The following MRTFA variants were observed in gnomAD, a reference collection of about 807,000 sequenced individuals.
MRTFA encodes the protein myocardin-related transcription factor A.
A neutral mutation model predicts 83.5 loss-of-function variants in MRTFA; 20 were observed. The ratio of observed to expected loss-of-function variants is 0.24; its 90% CI spans 0.17 to 0.35. The LOEUF is 0.35. Ranked by LOEUF, MRTFA falls within the 10% of genes least tolerant of loss-of-function variation. The pLI is 1.00. For missense variants in MRTFA, 1,200 were observed against 1,224.7 expected (o/e 0.98, Z 0.30); for synonymous variants, 659 against 541.2 (o/e 1.22, Z -3.02).
chr22:40,432,760 G>T (rs946430235), intron 5 of MRTFA, among the ~76,000 whole-genome samples: 3 of 152,072 alleles, frequency 2.0e-5, no homozygotes, highest in African/African-American at 7.2e-5. Context: ...CTCTGTGCCA[G>T]CCCAGGGGAG....
At chr22:40,564,813 G>A (rs902206388) in intron 2 of MRTFA, among the ~76,000 whole-genome samples, 3 of 151,960 alleles carry the variant, frequency 2.0e-5, no homozygotes, top group Admixed American at 6.6e-5. Flanking sequence ...CGCCATTCCC[G>A]GCTCATTTTT....
intron 3 of MRTFA, among the ~76,000 whole-genome samples, chr22:40,493,111 C>G (rs2054296680): frequency 6.6e-6 from 1 of 152,196 alleles, no homozygotes; most frequent in African/African-American, 2.4e-5. Flanking sequence ...ACAGTCCCAT[C>G]ATTCACATCA....
intron 3 of MRTFA, among the ~76,000 whole-genome samples, chr22:40,510,439 G>A (rs1239347975): frequency 6.6e-6 from 1 of 151,874 alleles, no homozygotes; most frequent in East Asian, 1.9e-4. Context: ...ATAATTGATT[G>A]AAATAAAACC....
intron 4 of MRTFA, among the ~76,000 whole-genome samples, chr22:40,460,118 T>C (rs2053684504): frequency 6.6e-6 from 1 of 151,462 alleles, no homozygotes; most frequent in Non-Finnish European, 1.5e-5. Context: ...AGAGACGGGG[T>C]TTCACCATGT....
At chr22:40,619,664 C>T (rs112670502) in intron 1 of MRTFA, among the ~76,000 whole-genome samples, 68 of 151,898 alleles carry the variant, frequency 4.5e-4, no homozygotes, top group African/African-American at 1.4e-3. Context: ...CCGAGACGGG[C>T]GGATCACGAG....
intron 2 of MRTFA, among the ~76,000 whole-genome samples, chr22:40,577,195 T>C (rs559171563): frequency 7.6e-4 from 104 of 136,856 alleles, no homozygotes; most frequent in Non-Finnish European, 1.3e-3. Flanking sequence ...TGCACTGCAC[T>C]CATGCACTCC....
At chr22:40,504,132 A>G (rs2054542146) in intron 3 of MRTFA, among the ~76,000 whole-genome samples, 1 of 152,208 alleles carries the variant, frequency 6.6e-6, no homozygotes, top group African/African-American at 2.4e-5. Flanking sequence ...TTTATAATTG[A>G]AAATTAGATA....
chr22:40,444,391 T>C (rs187950581), intron 4 of MRTFA, among the ~76,000 whole-genome samples: 40 of 152,276 alleles, frequency 2.6e-4, no homozygotes, highest in Admixed American at 1.9e-3. Context: ...AAACAGTTCT[T>C]ACATTAATTG....
At chr22:40,425,592 G>T (rs898142711) in intron 7 of MRTFA, among the ~76,000 whole-genome samples, 5 of 152,224 alleles carry the variant, frequency 3.3e-5, no homozygotes, top group African/African-American at 1.2e-4. Context: ...GACTGTGGTG[G>T]TGGCTTGCTC....
intron 3 of MRTFA, chr22:40,523,842 T>G (rs1203930367): frequency 6.6e-6 from 1 of 152,158 alleles, no homozygotes; most frequent in Non-Finnish European, 1.5e-5. Flanking sequence ...GTACTTTACA[T>G]AACCAAATAA....
chr22:40,512,201 T>C (rs1306444807), intron 3 of MRTFA, among the ~76,000 whole-genome samples: 1 of 152,222 alleles, frequency 6.6e-6, no homozygotes, highest in Non-Finnish European at 1.5e-5. Flanking sequence ...ATTAAGATCA[T>C]ACAGTTCTTT....
intron 3 of MRTFA, among the ~76,000 whole-genome samples, chr22:40,475,005 A>G (rs976412929): frequency 1.4e-4 from 21 of 151,744 alleles, no homozygotes; most frequent in African/African-American, 5.1e-4. Context: ...CGCCTGACTA[A>G]TTTTTGTATT....
Position 40,459,477 on chromosome 22 carries a change from T to C in MRTFA, c.307+3744A>G, listed in dbSNP as rs540396815. The stretch of plus-strand genomic sequence containing the variant: ...TATATGGGAAAATGCAATATTCTCA[T>C]AGAAGCAGGTCATTTCTATTCCCAC... On this transcript the variant is annotated intron_variant, in intron 4 of 14. Coordinates refer to ENST00000355630, the MANE Select transcript of MRTFA (RefSeq NM_020831.6). Among the ~76,000 whole-genome samples, 6 of 152,138 alleles carry C rather than the reference T, an allele frequency of 3.9e-5. No individual in the cohort carries two copies. The East Asian group carries it at 5.8e-4, about 15-fold the overall frequency.
chr22:40,627,574 G>C (rs994825521), intron 1 of MRTFA, among the ~76,000 whole-genome samples: 2 of 152,186 alleles, frequency 1.3e-5, no homozygotes, highest in African/African-American at 4.8e-5. Context: ...CACTATAACT[G>C]ACATTTTCGC....
At chr22:40,625,820 A>C (rs1429788800) in intron 1 of MRTFA, among the ~76,000 whole-genome samples, 1 of 152,084 alleles carries the variant, frequency 6.6e-6, no homozygotes, top group African/African-American at 2.4e-5. Flanking sequence ...ATAAGTAAAT[A>C]AAATAGAATA....
chr22:40,549,692 T>G (rs1799865715), intron 3 of MRTFA, among the ~76,000 whole-genome samples: 1 of 152,238 alleles, frequency 6.6e-6, no homozygotes, highest in African/African-American at 2.4e-5. Context: ...GGTTATTTTG[T>G]ATTTATGTTA....
chr22:40,522,862 A>T (rs1389309643), intron 3 of MRTFA: 2 of 152,188 alleles, frequency 1.3e-5, no homozygotes, highest in Non-Finnish European at 2.9e-5. Context: ...CAACATCAAT[A>T]GAACCAACTA....
intron 3 of MRTFA, among the ~76,000 whole-genome samples, chr22:40,501,639 C>T (rs1481261927): frequency 2.9e-4 from 1 of 3,438 alleles, no homozygotes; most frequent in Non-Finnish European, 5.2e-4. Flanking sequence ...GGCAGAGGCG[C>T]CCCTCACCTC....
rs1173817433 is a variant in MRTFA at position 40,419,306 on chromosome 22, G to A, written c.1432C>T (p.Arg478Ter). 4.3e-6 allele frequency: 7 copies of A among 1,613,822 alleles called. No homozygotes were observed. Among genetic ancestry groups the A allele is most frequent in the Non-Finnish European group, 5.1e-6 (6 of 1,180,004 alleles). Residue 478 changes from arginine to a stop codon, truncating the protein, a stop_gained, in exon 12 of 15, where the codon CGA becomes TGA. Transcript: ENST00000355630. LOFTEE classifies it high-confidence loss of function. The stretch of plus-strand genomic sequence containing the variant: ...GGGCTGATTTGGTCTTGATAGGCTC[G>A]AAGGCGCTCAATCAGCTCAGTTTTG...
Sources: gnomAD v4.1 joint callset for allele counts (sites outside exome capture counted in the v4.1 genomes callset) on GRCh38, gnomAD v4.1.1 for gene constraint, MANE v1.5 for transcripts, NCBI Gene and HGNC (gene_info 2026-07-23, HGNC 2026-07-21) for gene names.